The following SDCBP variants were observed in gnomAD, a reference collection of about 807,000 sequenced individuals.
SDCBP encodes syntenin-1.
In SDCBP, 22 loss-of-function variants were observed where a neutral mutation model predicts 30.5. That is an observed-to-expected ratio of 0.72 (90% CI 0.52 to 1.03). The LOEUF (loss-of-function observed/expected upper bound fraction) is 1.03. Ranked by LOEUF, SDCBP falls within the 50% of genes least tolerant of loss-of-function variation. The pLI is 0.00. For synonymous variants in SDCBP, 103 were observed against 118.7 expected (o/e 0.87, Z 0.86); for missense variants, 304 against 369.9 (o/e 0.82, Z 1.46).
chr8:58,580,249 A>G (rs900653019), intron 7 of SDCBP, among the ~76,000 whole-genome samples: 1 of 152,232 alleles, frequency 6.6e-6, no homozygotes, highest in African/African-American at 2.4e-5. Flanking sequence ...ACAGTTAATA[A>G]GAGGAGATGG....
intron 1 of SDCBP, among the ~76,000 whole-genome samples, chr8:58,559,356 T>A (rs1488516653): frequency 6.6e-6 from 1 of 152,224 alleles, no homozygotes; most frequent in East Asian, 1.9e-4. Context: ...CAACTTGCTT[T>A]GCATTTTGTA....
In SDCBP at chr8:58,569,383, A is replaced by G. The variant is rs150147408; in HGVS notation, c.52-1504A>G. Among the ~76,000 whole-genome samples, 5 of 149,102 alleles carry G rather than the reference A, an allele frequency of 3.4e-5. No homozygotes were observed. The East Asian group carries it at 1.0e-3, about 31-fold the overall frequency. Reference sequence around the variant, plus strand: ...GTGCCTGGCCAAAACAATTTTTTGCATAGGCAGGGTTTTCCTATGTTGCCC... The same window carrying G: ...GTGCCTGGCCAAAACAATTTTTTGCGTAGGCAGGGTTTTCCTATGTTGCCC... On this transcript the variant is annotated intron_variant, in intron 2 of 8. Transcript: ENST00000260130.
chr8:58,565,836 A>G (rs1253946906), intron 2 of SDCBP, among the ~76,000 whole-genome samples: 1 of 152,140 alleles, frequency 6.6e-6, no homozygotes, highest in Non-Finnish European at 1.5e-5. Context: ...TCTCTTATCA[A>G]TTTAGAATTT....
In SDCBP at chr8:58,581,782, T is replaced by G; in HGVS notation, c.*42T>G. The G allele has an allele frequency of 6.4e-7, 1 of 1,564,854 alleles. No individual in the cohort carries two copies. Among genetic ancestry groups the G allele is most frequent in the Non-Finnish European group, 8.8e-7 (1 of 1,136,836 alleles). ...GAAATGTAGCTGAACGTCTCCAGTTTCCTTCTTTGGCAACTTCTGTATTAT... is the reference window on the plus strand; with the variant it reads ...GAAATGTAGCTGAACGTCTCCAGTTGCCTTCTTTGGCAACTTCTGTATTAT... On this transcript the variant is annotated 3_prime_UTR_variant, in exon 9 of 9. Coordinates refer to ENST00000260130, the MANE Select transcript of SDCBP (RefSeq NM_005625.4).
intron 1 of SDCBP, among the ~76,000 whole-genome samples, chr8:58,555,749 T>A (rs1011461398): frequency 6.6e-6 from 1 of 151,862 alleles, no homozygotes; most frequent in Non-Finnish European, 1.5e-5. Flanking sequence ...TTTTCATTTT[T>A]TAGTTTTTTT....
chr8:58,580,912 C>T (rs779451306), intron 8 of SDCBP, among the ~76,000 whole-genome samples: 6 of 152,158 alleles, frequency 3.9e-5, no homozygotes, highest in Non-Finnish European at 7.4e-5. Flanking sequence ...ACTGCAGTTG[C>T]ACTGCCTACC....
At chr8:58,573,894 T>G (rs2129608108) in intron 4 of SDCBP, among the ~76,000 whole-genome samples, 1 of 152,324 alleles carries the variant, frequency 6.6e-6, no homozygotes, top group East Asian at 1.9e-4. Flanking sequence ...GAATTTCATG[T>G]GACAACAACA....
chr8:58,581,662 A>G (rs1241664150), intron 8 of SDCBP, 24 bp from the exon 9 acceptor site: 1 of 1,584,638 alleles, frequency 6.3e-7, no homozygotes. Context: ...ATCTCGGTAT[A>G]TAATAAAAGT....
At chr8:58,556,651 G>C (rs1804120558) in intron 1 of SDCBP, among the ~76,000 whole-genome samples, 1 of 151,766 alleles carries the variant, frequency 6.6e-6, no homozygotes, top group Non-Finnish European at 1.5e-5. Flanking sequence ...TCATTAATCA[G>C]AATATTGTGT....
chr8:58,577,940 T>C (rs1805439580), intron 5 of SDCBP, 93 bp from the exon 6 acceptor site: 2 of 980,180 alleles, frequency 2.0e-6, no homozygotes, highest in Admixed American at 2.4e-5. Context: ...TGGGGTAGAG[T>C]TTTCAACATA....
intron 8 of SDCBP, 84 bp downstream of exon 8, chr8:58,580,692 C>G: frequency 1.3e-6 from 1 of 756,918 alleles, no homozygotes; most frequent in Non-Finnish European, 2.3e-6. Flanking sequence ...CCCTTTGGTT[C>G]TTTTACCCAA....
At chr8:58,565,481 A>T (rs942900735) in intron 2 of SDCBP, among the ~76,000 whole-genome samples, 17 of 152,160 alleles carry the variant, frequency 1.1e-4, no homozygotes, top group African/African-American at 4.1e-4. Context: ...AACTGAAGTT[A>T]AAATTACAGA....
chr8:58,560,120 C>G (rs950943722), intron 1 of SDCBP, among the ~76,000 whole-genome samples: 1 of 152,038 alleles, frequency 6.6e-6, no homozygotes, highest in Non-Finnish European at 1.5e-5. Flanking sequence ...CCCTCCCCCT[C>G]CCTCAGCATG....
chr8:58,577,236 A>G (rs1805389594), intron 5 of SDCBP, among the ~76,000 whole-genome samples: 2 of 152,236 alleles, frequency 1.3e-5, no homozygotes, highest in African/African-American at 4.8e-5. Flanking sequence ...AATGTAACAG[A>G]TGTGTGATAG....
chr8:58,579,751 A>G lies in SDCBP; in HGVS notation c.707A>G (p.His236Arg), dbSNP rs1202181041. 5 of 1,612,452 alleles carry G rather than the reference A, an allele frequency of 3.1e-6. No homozygotes were observed. The African/African-American group carries it at 6.7e-5, about 22-fold the overall frequency. ...SAARNGLLTEHNICEINGQNV... is the reference protein window; with the variant it reads ...SAARNGLLTERNICEINGQNV... The stretch of plus-strand genomic sequence containing the variant: ...GCCAGAAATGGTCTTCTCACGGAAC[A>G]TAACATCTGTGAAATCAATGGACAG... Residue 236 changes from histidine to arginine, a missense_variant, in exon 7 of 9, where the codon CAT becomes CGT. Physicochemically the swap from His to Arg is conservative, Grantham distance 29. Coordinates refer to ENST00000260130, the MANE Select transcript of SDCBP (RefSeq NM_005625.4).
At position 58,582,179 on chromosome 8, in the gene SDCBP, A is replaced by AT. The variant is rs202058764; in HGVS notation, c.*449dup. 1.1e-3 allele frequency: 173 copies of AT among 154,282 alleles called. 1 individual carries two copies. Among genetic ancestry groups the AT allele is most frequent in the Middle Eastern group, 3.4e-3 (1 of 298 alleles). The allele number at this position is 154,282 out of a possible 1,614,324, so 9.6% of individuals were successfully genotyped here. A position where few individuals can be genotyped will look rare whatever the true frequency, so the allele number is the denominator to read the frequency against. ...AGTACATTTAGAATGATTGCCTTTG[A>AT]TTTTTTTTTTAAATTCTGTGTGTGT... On this transcript the variant is annotated 3_prime_UTR_variant, in exon 9 of 9. Coordinates refer to ENST00000260130, the MANE Select transcript of SDCBP (RefSeq NM_005625.4).
chr8:58,573,969 AG>A (rs1348682375), intron 4 of SDCBP, among the ~76,000 whole-genome samples: 1 of 152,362 alleles, frequency 6.6e-6, no homozygotes, highest in African/African-American at 2.4e-5. Context: ...AACTTTATAA[AG>A]GGCTCCATAA....
chr8:58,568,379 A>G (rs1202735346), intron 2 of SDCBP, among the ~76,000 whole-genome samples: 1 of 152,178 alleles, frequency 6.6e-6, no homozygotes, highest in East Asian at 1.9e-4. Context: ...CTTCAGAGGC[A>G]GTAACATGCA....
At chr8:58,573,448 T>G (rs1266684203) in intron 4 of SDCBP, among the ~76,000 whole-genome samples, 1 of 152,212 alleles carries the variant, frequency 6.6e-6, no homozygotes, top group Non-Finnish European at 1.5e-5. Context: ...TAATTGCAGA[T>G]AGCTAGCTGC....
Sources: allele counts gnomAD v4.1 joint callset (sites outside exome capture counted in the v4.1 genomes callset), GRCh38; gene constraint gnomAD v4.1.1; transcripts MANE v1.5; gene names NCBI Gene and HGNC (gene_info 2026-07-23, HGNC 2026-07-21).